Variants in FAM78B observed in about 807,000 individuals in gnomAD.
FAM78B encodes the protein family with sequence similarity 78 member B.
A neutral mutation model predicts 20.0 loss-of-function variants in FAM78B; 10 were observed. That is an observed-to-expected ratio of 0.50 (90% confidence interval 0.31 to 0.85). The LOEUF (loss-of-function observed/expected upper bound fraction) is 0.85. Among genes scored for constraint, FAM78B ranks in the 40% least tolerant of loss-of-function variants. FAM78B has a pLI of 0.05. For missense variants in FAM78B, 283 were observed against 345.0 expected (o/e 0.82, Z 1.42); for synonymous variants, 135 against 132.8 (o/e 1.02, Z -0.12).
At chr1:166,088,048 C>A (rs962804949) in intron 1 of FAM78B, among the ~76,000 whole-genome samples, 3 of 152,112 alleles carry the variant, frequency 2.0e-5, no homozygotes, top group Non-Finnish European at 4.4e-5. Flanking sequence ...CAACGCAAAG[C>A]CCAGGCTGCA....
chr1:166,109,855 T>C (rs1259408518), intron 1 of FAM78B, among the ~76,000 whole-genome samples: 4 of 28,540 alleles, frequency 1.4e-4, no homozygotes, highest in East Asian at 2.7e-3. Context: ...TATATATATA[T>C]ATATATGTAT....
At chr1:166,103,388 C>A (rs1224810785) in intron 1 of FAM78B, among the ~76,000 whole-genome samples, 1 of 152,130 alleles carries the variant, frequency 6.6e-6, no homozygotes, top group African/African-American at 2.4e-5. Context: ...ACACAAAAAA[C>A]CCTTCAAAAA....
At chr1:166,151,151 T>C (rs1245161952) in intron 1 of FAM78B, among the ~76,000 whole-genome samples, 1 of 152,178 alleles carries the variant, frequency 6.6e-6, no homozygotes, top group African/African-American at 2.4e-5. Context: ...AGACTTGTAA[T>C]AGCTCAAGAG....
intron 1 of FAM78B, among the ~76,000 whole-genome samples, chr1:166,074,109 C>T (rs1214182889): frequency 6.6e-6 from 1 of 152,184 alleles, no homozygotes; most frequent in African/African-American, 2.4e-5. Context: ...TCTGATCATG[C>T]TCTTTCTATA....
intron 1 of FAM78B, among the ~76,000 whole-genome samples, chr1:166,109,513 A>C (rs1418020217): frequency 6.6e-6 from 1 of 151,900 alleles, no homozygotes; most frequent in Non-Finnish European, 1.5e-5. Context: ...AAAACAGTAG[A>C]TGGTGGTGTG....
At chr1:166,148,388 G>A (rs1450712277) in intron 1 of FAM78B, among the ~76,000 whole-genome samples, 3 of 152,178 alleles carry the variant, frequency 2.0e-5, no homozygotes, top group Non-Finnish European at 4.4e-5. Context: ...GGTAGGCAGA[G>A]GCCTAGCTTT....
chr1:166,165,879 A>G (rs1429933627), intron 1 of FAM78B, 107 bp downstream of exon 1: 1 of 1,359,184 alleles, frequency 7.4e-7, no homozygotes, highest in Non-Finnish European at 1.0e-6. Context: ...GAAGGTTTAG[A>G]AAGACGATGG....
intron 1 of FAM78B, among the ~76,000 whole-genome samples, chr1:166,098,365 T>G (rs1487425870): frequency 6.6e-6 from 1 of 152,032 alleles, no homozygotes; most frequent in Non-Finnish European, 1.5e-5. Context: ...CACTAGTTCA[T>G]CAGCAATTGA....
intron 1 of FAM78B, among the ~76,000 whole-genome samples, chr1:166,081,640 A>G (rs1294040337): frequency 1.3e-5 from 2 of 152,068 alleles, no homozygotes; most frequent in Non-Finnish European, 2.9e-5. Context: ...GCCCAGTGGC[A>G]TTTGTTCTCC....
rs1553219431 is a variant in FAM78B, at chr1:166,109,870, A to ATATATATATG, written c.264-39108_264-39107insCATATATATA. 8.7e-3 allele frequency among the ~76,000 whole-genome samples: 100 copies of ATATATATATG among 11,430 alleles called. 9 individuals carry two copies. Among genetic ancestry groups the ATATATATATG allele is most frequent in the Middle Eastern group, 0.031 (1 of 32 alleles). The allele number at this position is 11,430 out of a possible 152,430, so 7.5% of individuals were successfully genotyped here. ...TATATATATATATATATGTATGTGT[A>ATATATATATG]TATATATATATGTATATATGTATAT... is the stretch of plus-strand genomic sequence containing the variant. On this transcript the variant is annotated intron_variant, in intron 1 of 1. Coordinates refer to ENST00000354422, the MANE Select transcript of FAM78B (RefSeq NM_001017961.5).
intron 1 of FAM78B, among the ~76,000 whole-genome samples, chr1:166,073,374 A>T (rs1652125126): frequency 6.6e-6 from 1 of 152,212 alleles, no homozygotes; most frequent in African/African-American, 2.4e-5. Flanking sequence ...TTTTGGAAAC[A>T]GCCAAAATTC....
chr1:166,149,106 C>G (rs531161418), intron 1 of FAM78B, among the ~76,000 whole-genome samples: 19 of 152,186 alleles, frequency 1.2e-4, no homozygotes, highest in African/African-American at 4.3e-4. Context: ...AATAAACATA[C>G]GTGTGCATGT....
chr1:166,106,580 A>C (rs919709084), intron 1 of FAM78B, among the ~76,000 whole-genome samples: 13 of 152,176 alleles, frequency 8.5e-5, no homozygotes, highest in Non-Finnish European at 1.5e-4. Context: ...AAGTGAATTT[A>C]AGAGCATTTA....
intron 1 of FAM78B, among the ~76,000 whole-genome samples, chr1:166,152,010 G>A (rs189808788): frequency 9.9e-5 from 15 of 152,028 alleles, no homozygotes; most frequent in African/African-American, 3.6e-4. Context: ...CAACCCCACA[G>A]GTACCCAGAT....
At chr1:166,097,845 C>T (rs1653348259) in intron 1 of FAM78B, among the ~76,000 whole-genome samples, 1 of 152,060 alleles carries the variant, frequency 6.6e-6, no homozygotes. Flanking sequence ...GTTACACGGT[C>T]CTGCCCACCA....
intron 1 of FAM78B, among the ~76,000 whole-genome samples, chr1:166,162,468 C>G (rs1392548181): frequency 2.0e-5 from 3 of 152,218 alleles, no homozygotes; most frequent in African/African-American, 7.2e-5. Flanking sequence ...TGAGAAGGGG[C>G]TTTAGCTATT....
chr1:166,108,989 A>C (rs1482529100), intron 1 of FAM78B, among the ~76,000 whole-genome samples: 1 of 152,180 alleles, frequency 6.6e-6, no homozygotes, highest in Non-Finnish European at 1.5e-5. Flanking sequence ...CTTATTTCTC[A>C]CCTTACACAA....
At chr1:166,165,950 A>C in intron 1 of FAM78B, 36 bp downstream of exon 1, 1 of 1,612,580 alleles carries the variant, frequency 6.2e-7, no homozygotes, top group Non-Finnish European at 8.5e-7. Context: ...CTGGGGGCCC[A>C]GAGTCCGCTC....
chr1:166,129,157 T>C (rs1654775336), intron 1 of FAM78B, among the ~76,000 whole-genome samples: 1 of 152,218 alleles, frequency 6.6e-6, no homozygotes, highest in Non-Finnish European at 1.5e-5. Context: ...GCCAATTCAG[T>C]GCCCAGAGCC....
Sources: gnomAD v4.1 joint callset for allele counts (sites outside exome capture counted in the v4.1 genomes callset) on GRCh38, gnomAD v4.1.1 for gene constraint, MANE v1.5 for transcripts, NCBI Gene and HGNC (gene_info 2026-07-23, HGNC 2026-07-21) for gene names.